The following CLVS1 variants were observed in gnomAD, a reference collection of about 807,000 sequenced individuals.
CLVS1 encodes the protein clavesin-1.
In CLVS1, 10 loss-of-function variants were observed where a neutral mutation model predicts 33.1. That is an observed-to-expected ratio of 0.30 (90% CI 0.19 to 0.51). CLVS1 has a LOEUF of 0.51. Among genes scored for constraint, CLVS1 ranks in the 20% least tolerant of loss-of-function variants. The pLI, the probability that CLVS1 is intolerant of heterozygous loss-of-function variation, is 0.97. For missense variants in CLVS1, 343 were observed against 433.4 expected, an observed-to-expected ratio of 0.79 and a Z score of 1.85; for synonymous variants, 163 against 166.1, an observed-to-expected ratio of 0.98 and a Z score of 0.14.
chr8:61,183,459 T>C (rs1336032732), intron 2 of CLVS1, among the ~76,000 whole-genome samples: 1 of 152,228 alleles, frequency 6.6e-6, no homozygotes, highest in Non-Finnish European at 1.5e-5. Context: ...CTGTCATATT[T>C]GTTATCTCAA....
rs113216149 is a variant in CLVS1 at position 61,086,937 on chromosome 8, C to T, written c.-243+29707C>T. Among the ~76,000 whole-genome samples the T allele has an allele frequency of 3.0e-4, 45 of 152,284 alleles. 1 individual carries two copies. Among genetic ancestry groups the T allele is most frequent in the Non-Finnish European group, 4.7e-4 (32 of 68,024 alleles). ...TCATAAATGAGGTCAAAAGTTGTTG[C>T]GTACTCATGATAGTTGCTGTGCTGG... On this transcript the variant is annotated intron_variant, in intron 1 of 2. Coordinates refer to the CLVS1 transcript ENST00000522621.
chr8:61,316,477 A>G (rs1285355121), intron 2 of CLVS1, among the ~76,000 whole-genome samples: 1 of 152,218 alleles, frequency 6.6e-6, no homozygotes, highest in African/African-American at 2.4e-5. Context: ...TCTGTGGCAT[A>G]CTGGGGAGGC....
intron 2 of CLVS1, among the ~76,000 whole-genome samples, chr8:61,276,917 A>G (rs1809570786): frequency 1.3e-5 from 2 of 152,246 alleles, no homozygotes; most frequent in Admixed American, 6.5e-5. Context: ...AGATCCGAGC[A>G]CAGTGGCTGC....
At position 61,294,054 on chromosome 8, in the gene CLVS1, A is replaced by G. The variant is rs182062693; in HGVS notation, c.-151-5623A>G. On this transcript the variant is annotated intron_variant, in intron 1 of 5. Coordinates refer to ENST00000325897, the MANE Select transcript of CLVS1 (RefSeq NM_173519.3). Reference sequence around the variant, plus strand: ...AGATTTTATCTTTCTGATCATGACAACAATATTCTATTTCCTCCCCAAATT... The same window carrying G: ...AGATTTTATCTTTCTGATCATGACAGCAATATTCTATTTCCTCCCCAAATT... Among the ~76,000 whole-genome samples the G allele has an allele frequency of 4.7e-4, 72 of 152,280 alleles. 1 individual carries two copies. The highest frequency in any genetic ancestry group is 1.7e-3 in the African/African-American group (72 of 41,564).
At chr8:61,405,910 A>G (rs191001849) in intron 3 of CLVS1, among the ~76,000 whole-genome samples, 127 of 152,290 alleles carry the variant, frequency 8.3e-4, no homozygotes, top group Middle Eastern at 3.4e-3. Flanking sequence ...CAGATGGCAG[A>G]CCACAATTTA....
chr8:61,475,996 G>A (rs1429562072), intron 5 of CLVS1, among the ~76,000 whole-genome samples: 1 of 152,160 alleles, frequency 6.6e-6, no homozygotes, highest in African/African-American at 2.4e-5. Flanking sequence ...AAGGGATCCA[G>A]TTTCAGCTTT....
At chr8:61,072,130 G>T (rs968396544) in intron 1 of CLVS1, among the ~76,000 whole-genome samples, 1 of 152,160 alleles carries the variant, frequency 6.6e-6, no homozygotes, top group Non-Finnish European at 1.5e-5. Context: ...CATGTGATCT[G>T]TCTGCTGCAC....
At chr8:60,981,689 G>A in the CLVS1 span, among the ~76,000 whole-genome samples, 1 of 152,372 alleles carries the variant, frequency 6.6e-6, no homozygotes, top group Admixed American at 6.5e-5. Context: ...TGGAGGAGAT[G>A]CTAAATTTTA....
At chr8:61,239,714 G>A (rs1287285998) in intron 2 of CLVS1, among the ~76,000 whole-genome samples, 3 of 152,144 alleles carry the variant, frequency 2.0e-5, no homozygotes, top group African/African-American at 7.2e-5. Context: ...TCCAGCCTGG[G>A]CAACAGAGGG....
At chr8:61,117,745 T>C (rs1383808443) in intron 1 of CLVS1, among the ~76,000 whole-genome samples, 1 of 152,202 alleles carries the variant, frequency 6.6e-6, no homozygotes, top group Admixed American at 6.5e-5. Context: ...GTGGATAAGC[T>C]TTTTGATGTG....
intron 1 of CLVS1, among the ~76,000 whole-genome samples, chr8:61,129,408 C>A (rs1441195261): frequency 6.6e-6 from 1 of 152,200 alleles, no homozygotes; most frequent in Non-Finnish European, 1.5e-5. Context: ...CAGGCTTCCC[C>A]ATGGGCTAAA....
At chr8:61,415,612 G>T (rs547639309) in intron 3 of CLVS1, among the ~76,000 whole-genome samples, 1 of 152,322 alleles carries the variant, frequency 6.6e-6, no homozygotes, top group South Asian at 2.1e-4. Flanking sequence ...GGATCACAGA[G>T]CTTCCAGGAT....
At position 61,140,859 on chromosome 8, in the gene CLVS1, A is replaced by AT. The variant is rs530577610; in HGVS notation, c.-152+9007dup. Among the ~76,000 whole-genome samples the AT allele has an allele frequency of 5.3e-4, 81 of 152,108 alleles. 1 individual carries two copies. Among genetic ancestry groups the AT allele is most frequent in the African/African-American group, 1.7e-3 (72 of 41,486 alleles). ...GGGATTACAGGCGTGAGCCACCGTA[A>AT]TTTTTTTTAAATTAAAATTTCTTGG... On this transcript the variant is annotated intron_variant, in intron 2 of 2. Coordinates refer to the CLVS1 transcript ENST00000522621.
chr8:60,977,576 G>C, the CLVS1 span, among the ~76,000 whole-genome samples: 2 of 152,142 alleles, frequency 1.3e-5, no homozygotes, highest in African/African-American at 4.8e-5. Context: ...GTGCTCAACG[G>C]CAGATCTGAG....
the CLVS1 span, among the ~76,000 whole-genome samples, chr8:61,009,498 T>C: frequency 2.0e-5 from 3 of 152,012 alleles, no homozygotes; most frequent in African/African-American, 7.3e-5. Context: ...AGTATTTTGA[T>C]GTTTTTGTTT....
chr8:61,049,819 T>G, the CLVS1 span, among the ~76,000 whole-genome samples: 1 of 152,266 alleles, frequency 6.6e-6, no homozygotes, highest in African/African-American at 2.4e-5. Flanking sequence ...CATTCCATAA[T>G]GAGTCTTTTT....
At chr8:61,315,755 G>C (rs148413878) in intron 2 of CLVS1, among the ~76,000 whole-genome samples, 2,584 of 152,108 alleles carry the variant, frequency 0.017, 39 homozygotes, top group Middle Eastern at 0.075. Context: ...TATACTTTAA[G>C]TTCTGGGATA....
At chr8:61,382,785 C>T (rs550424926) in intron 3 of CLVS1, among the ~76,000 whole-genome samples, 26 of 152,164 alleles carry the variant, frequency 1.7e-4, no homozygotes, top group Non-Finnish European at 3.5e-4. Flanking sequence ...GTACAAACCA[C>T]ACTTTGGTGT....
chr8:61,043,551 G>C, the CLVS1 span, among the ~76,000 whole-genome samples: 32 of 152,358 alleles, frequency 2.1e-4, no homozygotes, highest in African/African-American at 7.5e-4. Flanking sequence ...ACAGCCTCAA[G>C]TATGGGGGAT....
Sources: allele counts gnomAD v4.1 joint callset (sites outside exome capture counted in the v4.1 genomes callset), GRCh38; gene constraint gnomAD v4.1.1; transcripts MANE v1.5; gene names NCBI Gene and HGNC (gene_info 2026-07-23, HGNC 2026-07-21).